The following ZNF536 variants were observed in gnomAD, a reference collection of about 807,000 sequenced individuals.
ZNF536 encodes zinc finger protein 536.
In ZNF536, 13 loss-of-function variants were observed where a neutral mutation model predicts 84.5. That is an observed-to-expected ratio of 0.15 (90% CI 0.10 to 0.24). ZNF536 has a LOEUF of 0.24. Among genes scored for constraint, ZNF536 ranks in the 10% least tolerant of loss-of-function variants. ZNF536 has a pLI of 1.00. For missense variants in ZNF536, 1,536 were observed against 1,747.5 expected, an observed-to-expected ratio of 0.88 and a Z score of 2.16; for synonymous variants, 811 against 742.5, an observed-to-expected ratio of 1.09 and a Z score of -1.50.
intron 1 of ZNF536, among the ~76,000 whole-genome samples, chr19:30,393,065 G>A (rs12973709): frequency 0.45 from 68,418 of 152,036 alleles, 17,673 homozygotes; most frequent in Non-Finnish European, 0.56. Flanking sequence ...CTGGGGAGCA[G>A]TCATGCGCGC....
At chr19:30,271,559 C>T (rs1016294853) in intron 1 of ZNF536, among the ~76,000 whole-genome samples, 11 of 152,044 alleles carry the variant, frequency 7.2e-5, no homozygotes, top group Non-Finnish European at 1.0e-4. Flanking sequence ...GCCCAGATAG[C>T]GAAATGAGCA....
At chr19:30,327,836 C>T (rs985680804) in intron 2 of ZNF536, among the ~76,000 whole-genome samples, 1 of 152,204 alleles carries the variant, frequency 6.6e-6, no homozygotes, top group African/African-American at 2.4e-5. Flanking sequence ...TGGGCAATGT[C>T]TTTGTCCTCT....
intron 1 of ZNF536, among the ~76,000 whole-genome samples, chr19:30,387,091 A>T (rs938105050): frequency 1.3e-5 from 2 of 152,208 alleles, no homozygotes; most frequent in Non-Finnish European, 1.5e-5. Context: ...AGACACACAG[A>T]GAAAAGGTGT....
intron 2 of ZNF536, among the ~76,000 whole-genome samples, chr19:30,349,448 C>T (rs1361472389): frequency 6.6e-6 from 1 of 152,166 alleles, no homozygotes; most frequent in African/African-American, 2.4e-5. Flanking sequence ...ACAGTCCTTC[C>T]CCATGCATTC....
At chr19:30,634,413 A>G (rs1461184946) in intron 1 of ZNF536, among the ~76,000 whole-genome samples, 1 of 152,102 alleles carries the variant, frequency 6.6e-6, no homozygotes, top group East Asian at 1.9e-4. Context: ...TAAGAACTTG[A>G]CAAGCTTAAG....
chr19:30,550,506 T>A (rs1199261972), intron 4 of ZNF536, among the ~76,000 whole-genome samples: 3 of 152,044 alleles, frequency 2.0e-5, no homozygotes, highest in African/African-American at 7.3e-5. Context: ...CATTTCCAAC[T>A]GTAATTTATG....
chr19:30,693,762 T>C (rs2051528288), intron 1 of ZNF536, among the ~76,000 whole-genome samples: 1 of 152,220 alleles, frequency 6.6e-6, no homozygotes, highest in Admixed American at 6.5e-5. Context: ...GAATTGGGCA[T>C]GATAAAAAGT....
chr19:30,495,340 G>A (rs1244005202), intron 2 of ZNF536, among the ~76,000 whole-genome samples: 1 of 152,314 alleles, frequency 6.6e-6, no homozygotes, highest in Non-Finnish European at 1.5e-5. Flanking sequence ...TGCTTGTGGT[G>A]TCTCTGAGCT....
At chr19:30,694,475 A>T (rs1227078380) in intron 1 of ZNF536, among the ~76,000 whole-genome samples, 3 of 152,158 alleles carry the variant, frequency 2.0e-5, no homozygotes, top group African/African-American at 7.2e-5. Flanking sequence ...TGGAGATTGG[A>T]AAGTCCAGGG....
At chr19:30,565,197 GCTT>G (rs940821581) in intron 1 of ZNF536, among the ~76,000 whole-genome samples, 1 of 149,228 alleles carries the variant, frequency 6.7e-6, no homozygotes, top group Non-Finnish European at 1.5e-5. Context: ...TTATCAGAGA[GCTT>G]CTTCTTGGTC....
upstream of ZNF536, among the ~76,000 whole-genome samples, chr19:30,372,101 G>T (rs534363126): frequency 6.6e-6 from 1 of 152,318 alleles, no homozygotes; most frequent in South Asian, 2.1e-4. Flanking sequence ...CTTAGGATGG[G>T]ATTGGCTCTT....
intron 1 of ZNF536, among the ~76,000 whole-genome samples, chr19:30,384,856 A>G (rs1422381553): frequency 6.6e-6 from 1 of 151,958 alleles, no homozygotes; most frequent in Non-Finnish European, 1.5e-5. Flanking sequence ...GCAAGACACT[A>G]TCTCCACAAA....
chr19:30,617,410 G>T (rs1462904662), intron 1 of ZNF536, among the ~76,000 whole-genome samples: 2 of 136,368 alleles, frequency 1.5e-5, no homozygotes, highest in African/African-American at 2.7e-5. Flanking sequence ...GAGTGCAGTG[G>T]TGCAATCTCG....
intron 1 of ZNF536, among the ~76,000 whole-genome samples, chr19:30,710,187 T>C (rs1185958912): frequency 6.6e-6 from 1 of 152,188 alleles, no homozygotes; most frequent in Non-Finnish European, 1.5e-5. Flanking sequence ...TTTAACCCTT[T>C]ATAGAAAAAA....
At chr19:30,331,897 T>G (rs2047223183) in intron 2 of ZNF536, among the ~76,000 whole-genome samples, 3 of 152,102 alleles carry the variant, frequency 2.0e-5, no homozygotes, top group African/African-American at 7.2e-5. Flanking sequence ...GGTCCATCAT[T>G]TTCATCACTT....
chr19:30,516,554 A>T (rs2044080748), intron 2 of ZNF536, among the ~76,000 whole-genome samples: 2 of 152,188 alleles, frequency 1.3e-5, no homozygotes, highest in South Asian at 4.1e-4. Flanking sequence ...GGAGGAGATG[A>T]TAATGGCGCC....
At chr19:30,265,507 G>A (rs190420369) in intron 1 of ZNF536, among the ~76,000 whole-genome samples, 1 of 152,228 alleles carries the variant, frequency 6.6e-6, no homozygotes, top group East Asian at 1.9e-4. Flanking sequence ...CTCCTTAAGC[G>A]CTGAGTGTGT....
At chr19:30,641,603 A>G (rs2049270665) in intron 1 of ZNF536, among the ~76,000 whole-genome samples, 1 of 152,232 alleles carries the variant, frequency 6.6e-6, no homozygotes, top group Admixed American at 6.5e-5. Context: ...GTCTTTGAAC[A>G]TAAAGGCAGC....
At chr19:30,684,407 G>A (rs1457711571) in intron 1 of ZNF536, among the ~76,000 whole-genome samples, 1 of 152,166 alleles carries the variant, frequency 6.6e-6, no homozygotes. Flanking sequence ...AAAGTGCTGG[G>A]ATTACAGGTT....
Sources: gnomAD v4.1 joint callset for allele counts (sites outside exome capture counted in the v4.1 genomes callset) on GRCh38, gnomAD v4.1.1 for gene constraint, MANE v1.5 for transcripts, NCBI Gene and HGNC (gene_info 2026-07-23, HGNC 2026-07-21) for gene names.